RALYL: variants seen among roughly 807,000 people sequenced by gnomAD.
The protein encoded by RALYL is RALY RNA binding protein like.
Under a neutral mutation model 35.1 loss-of-function variants are expected in RALYL, and 29 were observed. The observed-to-expected ratio is 0.83, with a 90% confidence interval of 0.61 to 1.13. The LOEUF is 1.13. Ranked by LOEUF, RALYL falls within the 50% of genes most tolerant of loss-of-function variation. RALYL has a pLI of 0.00. For missense variants in RALYL, 359 were observed against 360.4 expected (o/e 1.00, Z 0.03); for synonymous variants, 120 against 127.6 (o/e 0.94, Z 0.40).
At chr8:84,367,289 G>A (rs1303335853) in intron 1 of RALYL, among the ~76,000 whole-genome samples, 2 of 128,646 alleles carry the variant, frequency 1.6e-5, no homozygotes, top group Admixed American at 8.8e-5. Context: ...GATTACAAGT[G>A]CCTGCCATCC....
intron 1 of RALYL, among the ~76,000 whole-genome samples, chr8:84,359,475 T>C (rs1164134885): frequency 6.6e-6 from 1 of 152,024 alleles, no homozygotes; most frequent in Non-Finnish European, 1.5e-5. Context: ...TTTAAACCAT[T>C]AATATCCTTA....
chr8:84,305,293 C>T (rs1426904187), intron 1 of RALYL, among the ~76,000 whole-genome samples: 2 of 152,138 alleles, frequency 1.3e-5, no homozygotes. Flanking sequence ...CTCATCTATA[C>T]CTCTAGCTTT....
At chr8:84,827,689 T>G (rs1830009440) in intron 4 of RALYL, among the ~76,000 whole-genome samples, 1 of 152,076 alleles carries the variant, frequency 6.6e-6, no homozygotes, top group South Asian at 2.1e-4. Context: ...TACAATATAT[T>G]TTATTAAATA....
At chr8:84,853,364 TGATA>T (rs759870409) in intron 5 of RALYL, among the ~76,000 whole-genome samples, 15 of 152,176 alleles carry the variant, frequency 9.9e-5, no homozygotes, top group African/African-American at 1.4e-4. Context: ...ATTAGATAGG[TGATA>T]GATGGATGGA....
At chr8:84,519,169 A>G (rs1587933547) in intron 1 of RALYL, among the ~76,000 whole-genome samples, 1 of 152,274 alleles carries the variant, frequency 6.6e-6, no homozygotes, top group East Asian at 1.9e-4. Flanking sequence ...CTGTCATACC[A>G]TTTATTATTA....
At chr8:84,630,475 G>A (rs1823679786) in intron 2 of RALYL, among the ~76,000 whole-genome samples, 1 of 152,014 alleles carries the variant, frequency 6.6e-6, no homozygotes, top group Non-Finnish European at 1.5e-5. Flanking sequence ...CTTAGAATAT[G>A]CATAGTTTCA....
intron 2 of RALYL, among the ~76,000 whole-genome samples, chr8:84,644,384 G>A (rs1396151476): frequency 2.6e-5 from 4 of 151,910 alleles, no homozygotes; most frequent in Non-Finnish European, 5.9e-5. Context: ...TAGAAATTTG[G>A]TATTACTAAT....
rs187356496 is a variant in RALYL at position 84,338,154 on chromosome 8, C to G, written c.-24+153730C>G. 5.6e-4 allele frequency among the ~76,000 whole-genome samples: 85 copies of G among 151,422 alleles called. 2 individuals are homozygous for G. The East Asian group carries it at 0.016, about 28-fold the overall frequency. ...TTTAGAGAATGAGATACCTTACATT[C>G]CTCCATCTTAAAAAAAAAACTTTAT... On this transcript the variant is annotated intron_variant, in intron 1 of 8. Coordinates refer to ENST00000521268, the MANE Select transcript of RALYL (RefSeq NM_173848.7).
chr8:84,190,346 G>A (rs1330893637), intron 1 of RALYL, among the ~76,000 whole-genome samples: 1 of 152,072 alleles, frequency 6.6e-6, no homozygotes, highest in Non-Finnish European at 1.5e-5. Flanking sequence ...ATTATTTGAG[G>A]ATTCTGTGTT....
chr8:84,394,594 T>C (rs1273362536), intron 1 of RALYL, among the ~76,000 whole-genome samples: 2 of 152,116 alleles, frequency 1.3e-5, no homozygotes, highest in Admixed American at 1.3e-4. Flanking sequence ...AGGCACATAG[T>C]TTTTTTATAG....
At chr8:84,333,642 A>C (rs1847239469) in intron 1 of RALYL, among the ~76,000 whole-genome samples, 2 of 151,970 alleles carry the variant, frequency 1.3e-5, no homozygotes, top group South Asian at 4.1e-4. Context: ...GCTGACTCTC[A>C]ATTTTCAGAT....
intron 2 of RALYL, chr8:84,679,748 C>A (rs1242397221): frequency 7.7e-6 from 4 of 522,392 alleles, no homozygotes; most frequent in Non-Finnish European, 3.9e-6. Flanking sequence ...ACTAACAGAC[C>A]TGATACTTTG....
intron 2 of RALYL, among the ~76,000 whole-genome samples, chr8:84,633,477 C>T (rs1296517733): frequency 6.6e-6 from 1 of 151,780 alleles, no homozygotes; most frequent in East Asian, 1.9e-4. Flanking sequence ...TGAAATACAG[C>T]AACTTTTAAG....
intron 2 of RALYL, among the ~76,000 whole-genome samples, chr8:84,663,800 G>T (rs1346715618): frequency 6.6e-6 from 1 of 152,034 alleles, no homozygotes; most frequent in Non-Finnish European, 1.5e-5. Flanking sequence ...TTCCTTTGCT[G>T]TGCAGAGCTC....
intron 2 of RALYL, among the ~76,000 whole-genome samples, chr8:84,547,138 C>A (rs1051536214): frequency 2.0e-5 from 3 of 151,934 alleles, no homozygotes; most frequent in Non-Finnish European, 4.4e-5. Flanking sequence ...CCCAACAGGC[C>A]CCAGTGTGTG....
At chr8:84,919,933 G>A (rs777169151) in intron 8 of RALYL, among the ~76,000 whole-genome samples, 1 of 151,954 alleles carries the variant, frequency 6.6e-6, no homozygotes, top group Non-Finnish European at 1.5e-5. Context: ...AGTAGTCTTA[G>A]CCAGGCATGA....
chr8:84,527,602 C>T (rs2058994903), intron 1 of RALYL, among the ~76,000 whole-genome samples: 1 of 152,138 alleles, frequency 6.6e-6, no homozygotes, highest in Non-Finnish European at 1.5e-5. Flanking sequence ...AGAAAGGAAA[C>T]TGACTCTAAA....
chr8:84,425,084 C>G (rs974605533), intron 1 of RALYL, among the ~76,000 whole-genome samples: 38 of 152,340 alleles, frequency 2.5e-4, no homozygotes, highest in African/African-American at 7.9e-4. Flanking sequence ...CCACCCAGTT[C>G]GAGCTTCCTA....
At chr8:84,848,590 A>G (rs1835157575) in intron 4 of RALYL, among the ~76,000 whole-genome samples, 1 of 152,102 alleles carries the variant, frequency 6.6e-6, no homozygotes, top group African/African-American at 2.4e-5. Flanking sequence ...TTGTATGACT[A>G]TATGATTGTA....
Sources: allele counts gnomAD v4.1 joint callset (sites outside exome capture counted in the v4.1 genomes callset), GRCh38; gene constraint gnomAD v4.1.1; transcripts MANE v1.5; gene names NCBI Gene and HGNC (gene_info 2026-07-23, HGNC 2026-07-21).